The following RPS6KC1 variants were observed in gnomAD, a reference collection of about 807,000 sequenced individuals.
RPS6KC1 encodes the protein ribosomal protein S6 kinase C1, also known as inactive ribosomal protein S6 kinase delta-1.
RPS6KC1 carries 54 observed loss-of-function variants against 103.8 expected under a neutral mutation model. That is an observed-to-expected ratio of 0.52 (90% confidence interval 0.42 to 0.65). The LOEUF is 0.65. Among genes scored for constraint, RPS6KC1 ranks in the 30% least tolerant of loss-of-function variants. The pLI, the probability that RPS6KC1 is intolerant of heterozygous loss-of-function variation, is 0.00. For synonymous variants in RPS6KC1, 439 were observed against 438.7 expected (o/e 1.00, Z -0.01); for missense variants, 1,151 against 1,253.8 (o/e 0.92, Z 1.24).
the RPS6KC1 span, among the ~76,000 whole-genome samples, chr1:213,589,715 A>G: frequency 6.6e-6 from 1 of 151,932 alleles, no homozygotes; most frequent in Non-Finnish European, 1.5e-5. Flanking sequence ...CTTTGCCCTC[A>G]GATCATCATG....
the RPS6KC1 span, among the ~76,000 whole-genome samples, chr1:213,464,499 A>C: frequency 6.6e-6 from 1 of 152,040 alleles, no homozygotes; most frequent in Non-Finnish European, 1.5e-5. Flanking sequence ...ACTCAGTTTT[A>C]TTTTCAAAGA....
chr1:213,412,333 G>C, the RPS6KC1 span, among the ~76,000 whole-genome samples: 2 of 152,312 alleles, frequency 1.3e-5, no homozygotes, highest in Non-Finnish European at 2.9e-5. Flanking sequence ...AGTAGAAAAG[G>C]AGAGAGGGAG....
the RPS6KC1 span, among the ~76,000 whole-genome samples, chr1:213,761,109 T>C: frequency 6.6e-6 from 1 of 152,062 alleles, no homozygotes; most frequent in Non-Finnish European, 1.5e-5. Flanking sequence ...AAAGCCTTCA[T>C]TCCAAGGGGC....
the RPS6KC1 span, among the ~76,000 whole-genome samples, chr1:213,496,986 C>T: frequency 6.6e-6 from 1 of 152,118 alleles, no homozygotes; most frequent in African/African-American, 2.4e-5. Context: ...CCACTTGTTA[C>T]TGTATAATGA....
At chr1:213,675,262 A>T in the RPS6KC1 span, among the ~76,000 whole-genome samples, 5 of 152,190 alleles carry the variant, frequency 3.3e-5, no homozygotes, top group Non-Finnish European at 4.4e-5. Flanking sequence ...CACCTGTCAC[A>T]TGCTGCTCTA....
the RPS6KC1 span, among the ~76,000 whole-genome samples, chr1:213,648,062 C>A: frequency 6.6e-6 from 1 of 152,094 alleles, no homozygotes; most frequent in Admixed American, 6.5e-5. Flanking sequence ...GATATGATGT[C>A]ATTGAAAAGA....
chr1:213,802,253 C>G, the RPS6KC1 span, among the ~76,000 whole-genome samples: 1 of 152,202 alleles, frequency 6.6e-6, no homozygotes, highest in Admixed American at 6.5e-5. Flanking sequence ...GAAACACACT[C>G]AACTGCATTC....
chr1:213,720,211 C>T, the RPS6KC1 span, among the ~76,000 whole-genome samples: 7 of 152,162 alleles, frequency 4.6e-5, no homozygotes, highest in Admixed American at 1.3e-4. Flanking sequence ...TGAGAGACTA[C>T]CAAGGAGCTG....
At chr1:213,344,866 A>G in the RPS6KC1 span, among the ~76,000 whole-genome samples, 1 of 152,292 alleles carries the variant, frequency 6.6e-6, no homozygotes, top group South Asian at 2.1e-4. Flanking sequence ...ACTAGAATGT[A>G]TTCTCCATGA....
the RPS6KC1 span, among the ~76,000 whole-genome samples, chr1:213,446,758 C>A: frequency 5.3e-5 from 8 of 152,140 alleles, no homozygotes; most frequent in Non-Finnish European, 1.0e-4. Context: ...AGCACTGATT[C>A]GTTATTACTA....
chr1:213,443,790 T>C, the RPS6KC1 span, among the ~76,000 whole-genome samples: 1 of 152,142 alleles, frequency 6.6e-6, no homozygotes, highest in African/African-American at 2.4e-5. Flanking sequence ...TGGTGGTGCA[T>C]GCCTATAGTC....
At chr1:213,341,578 TA>T in the RPS6KC1 span, among the ~76,000 whole-genome samples, 1 of 152,316 alleles carries the variant, frequency 6.6e-6, no homozygotes, top group East Asian at 1.9e-4. Context: ...GCAGACTACT[TA>T]GTCCTTCTAA....
chr1:213,565,341 T>C, the RPS6KC1 span, among the ~76,000 whole-genome samples: 2 of 152,318 alleles, frequency 1.3e-5, no homozygotes, highest in East Asian at 1.9e-4. Context: ...TTATTGATAA[T>C]GTCCTTAGAG....
chr1:213,202,009 A>T (rs72745842), intron 8 of RPS6KC1, among the ~76,000 whole-genome samples: 21 of 152,284 alleles, frequency 1.4e-4, no homozygotes, highest in Non-Finnish European at 2.4e-4. Flanking sequence ...TGTGTACACC[A>T]TGCAGAATTC....
intron 1 of RPS6KC1, among the ~76,000 whole-genome samples, chr1:213,060,567 CA>C (rs369398330): frequency 1.3e-5 from 2 of 152,232 alleles, no homozygotes; most frequent in Non-Finnish European, 2.9e-5. Context: ...CCAAAAATTT[CA>C]GTAAATGGAA....
At chr1:213,412,292 G>C in the RPS6KC1 span, among the ~76,000 whole-genome samples, 3 of 152,178 alleles carry the variant, frequency 2.0e-5, no homozygotes, top group African/African-American at 7.2e-5. Context: ...TTCTCTATTA[G>C]AGAAAGAAGG....
the RPS6KC1 span, among the ~76,000 whole-genome samples, chr1:213,804,285 GTA>G: frequency 8.0e-5 from 12 of 150,924 alleles, no homozygotes; most frequent in African/African-American, 2.9e-4. Context: ...CCAAAACACT[GTA>G]TGAGAGTTAG....
chr1:213,578,738 A>G, the RPS6KC1 span, among the ~76,000 whole-genome samples: 8 of 152,052 alleles, frequency 5.3e-5, no homozygotes, highest in African/African-American at 1.9e-4. Flanking sequence ...CCTGTATCCT[A>G]TTGTATCTAG....
At chr1:213,791,949 A>AC in the RPS6KC1 span, among the ~76,000 whole-genome samples, 2 of 152,208 alleles carry the variant, frequency 1.3e-5, no homozygotes, top group Non-Finnish European at 2.9e-5. Flanking sequence ...TAATAACTGC[A>AC]CATAGTACGC....
Sources: gnomAD v4.1 joint callset for allele counts (sites outside exome capture counted in the v4.1 genomes callset) on GRCh38, gnomAD v4.1.1 for gene constraint, MANE v1.5 for transcripts, NCBI Gene and HGNC (gene_info 2026-07-23, HGNC 2026-07-21) for gene names.